Variants in CDH2 observed in about 807,000 individuals in gnomAD.
CDH2 encodes cadherin 2.
A neutral mutation model predicts 92.0 loss-of-function variants in CDH2; 17 were observed. That is an observed-to-expected ratio of 0.18 (90% CI 0.13 to 0.28). The LOEUF is 0.28. Ranked by LOEUF, CDH2 falls within the 10% of genes least tolerant of loss-of-function variation. CDH2 has a pLI of 1.00. For synonymous variants in CDH2, 419 were observed against 415.9 expected (o/e 1.01, Z -0.09); for missense variants, 862 against 1,133.1 (o/e 0.76, Z 3.44).
In CDH2 at chr18:27,952,120, G is replaced by A. The variant is rs1338304383; in HGVS notation, c.*33C>T. ...TTGGGAATATCAGTTGAAATTGTTTGTACTTGTCCAAAAACCAAGTTCACC... is the reference window on the plus strand; with the variant it reads ...TTGGGAATATCAGTTGAAATTGTTTATACTTGTCCAAAAACCAAGTTCACC... On this transcript the variant is annotated 3_prime_UTR_variant, in exon 16 of 16. Coordinates refer to ENST00000269141, the MANE Select transcript of CDH2 (RefSeq NM_001792.5). The A allele has an allele frequency of 1.9e-6, 3 of 1,550,170 alleles. No homozygotes were observed. Among genetic ancestry groups the A allele is most frequent in the East Asian group, 4.5e-5 (2 of 44,494 alleles).
downstream of CDH2, among the ~76,000 whole-genome samples, chr18:27,948,599 C>T (rs947700464): frequency 5.3e-5 from 8 of 151,448 alleles, no homozygotes; most frequent in Admixed American, 5.3e-4. Flanking sequence ...ATTAGAAAAA[C>T]ACAAATAACT....
intron 2 of CDH2, among the ~76,000 whole-genome samples, chr18:28,077,890 C>CAAAAAAAAAAAAAAA (rs71171659): frequency 1.5e-5 from 1 of 67,314 alleles, no homozygotes; most frequent in African/African-American, 5.9e-5. Flanking sequence ...GACCCTGTCT[C>CAAAAAAAAAAAAAAA]AAAAAAAAAA....
At chr18:28,158,880 C>T (rs1445165372) in intron 1 of CDH2, among the ~76,000 whole-genome samples, 1 of 152,156 alleles carries the variant, frequency 6.6e-6, no homozygotes, top group East Asian at 1.9e-4. Context: ...CTACTCTTCC[C>T]ACTAATCTTG....
intron 14 of CDH2, among the ~76,000 whole-genome samples, chr18:27,964,609 T>G (rs987378521): frequency 1.3e-5 from 2 of 152,236 alleles, no homozygotes; most frequent in Non-Finnish European, 2.9e-5. Context: ...AGAGTGATTT[T>G]GATTTATTCG....
chr18:28,093,581 G>C (rs939718094), intron 2 of CDH2, among the ~76,000 whole-genome samples: 147 of 147,510 alleles, frequency 1.0e-3, no homozygotes, highest in African/African-American at 3.5e-3. Context: ...AAAAAAAAAA[G>C]AAAACAAAAC....
At chr18:28,075,673 A>G (rs1418872373) in intron 2 of CDH2, among the ~76,000 whole-genome samples, 1 of 152,134 alleles carries the variant, frequency 6.6e-6, no homozygotes, top group Non-Finnish European at 1.5e-5. Context: ...CCCTGGCACT[A>G]GCAGCTGCAG....
chr18:27,955,156 G>A (rs781578824), intron 15 of CDH2, among the ~76,000 whole-genome samples: 1 of 151,994 alleles, frequency 6.6e-6, no homozygotes, highest in Non-Finnish European at 1.5e-5. Flanking sequence ...ATTATTAAGC[G>A]AAAATACACA....
chr18:28,146,620 A>G (rs1378053764), intron 2 of CDH2: 2 of 152,048 alleles, frequency 1.3e-5, no homozygotes, highest in Non-Finnish European at 2.9e-5. Flanking sequence ...ATAAAATGTA[A>G]CCTGCACCCA....
intron 7 of CDH2, among the ~76,000 whole-genome samples, chr18:28,001,949 T>C (rs192700315): frequency 2.3e-4 from 35 of 152,374 alleles, no homozygotes; most frequent in African/African-American, 7.7e-4. Context: ...CCTTTTGACA[T>C]ACATAATCTA....
At chr18:28,041,068 C>T (rs191325908) in intron 2 of CDH2, among the ~76,000 whole-genome samples, 2 of 152,300 alleles carry the variant, frequency 1.3e-5, no homozygotes, top group African/African-American at 4.8e-5. Flanking sequence ...AAAAATCACA[C>T]TGGCTTTCAG....
In CDH2 at chr18:28,134,450, C is replaced by A. The variant is rs757038237; in HGVS notation, c.172+13223G>T. ...AGCAGCTAGACTAGTTGTCTCACAC[C>A]TGTAATCCCCGCACTTGGGGAGGCC... is the stretch of plus-strand genomic sequence containing the variant. On this transcript the variant is annotated intron_variant, in intron 2 of 15. Transcript: ENST00000269141. 2.3e-4 allele frequency among the ~76,000 whole-genome samples: 35 copies of A among 152,178 alleles called. No homozygotes were observed. The Middle Eastern group carries it at 0.017, about 74-fold the overall frequency.
chr18:28,027,944 T>G (rs2144075823), intron 2 of CDH2, among the ~76,000 whole-genome samples: 1 of 152,002 alleles, frequency 6.6e-6, no homozygotes, highest in African/African-American at 2.4e-5. Context: ...GCGTAGAAGC[T>G]CCCTTTTCCC....
chr18:28,099,456 A>G (rs933096137), intron 2 of CDH2, among the ~76,000 whole-genome samples: 2 of 152,180 alleles, frequency 1.3e-5, no homozygotes, highest in African/African-American at 2.4e-5. Flanking sequence ...GTCATATCTT[A>G]CATTTTATGT....
At chr18:28,012,033 C>T (rs1395786758) in intron 3 of CDH2, 41 bp from the exon 4 acceptor site, 2 of 1,544,334 alleles carry the variant, frequency 1.3e-6, no homozygotes, top group East Asian at 4.5e-5. Flanking sequence ...TACTAGGAAA[C>T]ACATTTTCTG....
In CDH2 at chr18:27,992,807, T is replaced by C; in HGVS notation, c.1192A>G (p.Ile398Val). 1.2e-6 allele frequency: 2 copies of C among 1,613,878 alleles called. No homozygotes were observed. Among genetic ancestry groups the C allele is most frequent in the Non-Finnish European group, 1.7e-6 (2 of 1,179,852 alleles). Reference sequence around the variant, plus strand: ...GTCACAGTTAGATTAGCTACTATGATGTCTACCCTGTTCTCAGGAACTTCA... The same window carrying C: ...GTCACAGTTAGATTAGCTACTATGACGTCTACCCTGTTCTCAGGAACTTCA... ...YGEVPENRVD[I>V]IVANLTVTDK... Residue 398 changes from isoleucine to valine, a missense_variant, in exon 9 of 16, where the codon ATC becomes GTC. Transcript: ENST00000269141.
At chr18:28,110,894 G>A (rs1313590632) in intron 2 of CDH2, among the ~76,000 whole-genome samples, 4 of 151,934 alleles carry the variant, frequency 2.6e-5, no homozygotes, top group Non-Finnish European at 5.9e-5. Flanking sequence ...GGTTCTCTTC[G>A]CCAAGCCACG....
chr18:27,961,827 C>T (rs1167620014), intron 15 of CDH2, among the ~76,000 whole-genome samples: 1 of 151,998 alleles, frequency 6.6e-6, no homozygotes, highest in African/African-American at 2.4e-5. Flanking sequence ...CAGCTGGGCA[C>T]AGTGGCTCAG....
At chr18:27,963,214 C>T (rs972170794) in intron 15 of CDH2, 143 bp downstream of exon 15, 6 of 634,530 alleles carry the variant, frequency 9.5e-6, no homozygotes, top group African/African-American at 7.3e-5. Flanking sequence ...GCCACATTTG[C>T]TTTCACACAA....
intron 2 of CDH2, among the ~76,000 whole-genome samples, chr18:28,141,352 G>A (rs1302364850): frequency 6.6e-6 from 1 of 151,820 alleles, no homozygotes; most frequent in Non-Finnish European, 1.5e-5. Context: ...TACAGGGAAG[G>A]GAAATCAGAA....
Sources: gnomAD v4.1 joint callset for allele counts (sites outside exome capture counted in the v4.1 genomes callset) on GRCh38, gnomAD v4.1.1 for gene constraint, MANE v1.5 for transcripts, NCBI Gene and HGNC (gene_info 2026-07-23, HGNC 2026-07-21) for gene names.